Variants in GPR157 observed in about 807,000 individuals in gnomAD.
The protein encoded by GPR157 is G protein-coupled receptor 157, also known as G-protein coupled receptor 157.
Under a neutral mutation model 23.5 loss-of-function variants are expected in GPR157, and 16 were observed. The ratio of observed to expected loss-of-function variants is 0.68; its 90% CI spans 0.46 to 1.04. The LOEUF (loss-of-function observed/expected upper bound fraction) is 1.04, where lower values mean the gene tolerates loss of function less well. Ranked by LOEUF, GPR157 falls within the 50% of genes least tolerant of loss-of-function variation. GPR157 has a pLI of 0.00. For synonymous variants in GPR157, 200 were observed against 221.5 expected (o/e 0.90, Z 0.86); for missense variants, 440 against 460.7 (o/e 0.96, Z 0.41).
chr1:9,123,340 AT>A lies in GPR157; in HGVS notation c.383+5304del, dbSNP rs1557700856. Among the ~76,000 whole-genome samples, 38 of 31,342 alleles carry A rather than the reference AT, an allele frequency of 1.2e-3. 2 individuals are homozygous for A. The highest frequency in any genetic ancestry group is 3.7e-3 in the African/African-American group (35 of 9,522). The allele number at this position is 31,342 out of a possible 152,430, so 20.6% of individuals were successfully genotyped here. A position where few individuals can be genotyped will look rare whatever the true frequency, so the allele number is the denominator to read the frequency against. The stretch of plus-strand genomic sequence containing the variant: ...ATTAAAATATATATATTTAATTTAA[AT>A]ATATATATTTAATTTAAATATATAT... On this transcript the variant is annotated intron_variant, in intron 1 of 3. Coordinates refer to ENST00000377411, the MANE Select transcript of GPR157 (RefSeq NM_024980.5).
chr1:9,123,174 A>AAAAAAAAT (rs1553175764), intron 1 of GPR157, among the ~76,000 whole-genome samples: 2 of 117,090 alleles, frequency 1.7e-5, no homozygotes, highest in African/African-American at 6.8e-5. Flanking sequence ...AAAAAAAAAA[A>AAAAAAAAT]ATATATATAT....
Position 9,128,784 on chromosome 1 carries a change from G to A in GPR157, c.244C>T (p.Gln82Ter). ...FAGPSWDCVL[Q>*]GALSTFANTS... is the part of the protein sequence containing the mutation. The stretch of plus-strand genomic sequence containing the variant: ...TTGGCGAAGGTGGACAGCGCGCCCT[G>A]CAGCACGCAGTCCCACGACGGGCCC... Residue 82 changes from glutamine to a stop codon, truncating the protein, a stop_gained, in exon 1 of 4, where the codon CAG becomes TAG. Transcript: ENST00000377411. LOFTEE classifies it high-confidence loss of function. This position sits in a 1 kb window ranked among gnomAD's most constrained non-coding sequence, Gnocchi z 6.3. The A allele has an allele frequency of 2.5e-6, 4 of 1,611,698 alleles. No individual in the cohort carries two copies. Among genetic ancestry groups the A allele is most frequent in the Non-Finnish European group, 3.4e-6 (4 of 1,178,866 alleles).
intron 1 of GPR157, among the ~76,000 whole-genome samples, chr1:9,122,409 G>C (rs1320578220): frequency 6.6e-6 from 1 of 152,184 alleles, no homozygotes; most frequent in Non-Finnish European, 1.5e-5. Context: ...GAAACGCTTG[G>C]GTGAAAGCTG....
In GPR157 at chr1:9,123,163, G is replaced by GGAA. The variant is rs374439585; in HGVS notation, c.383+5481_383+5482insTTC. 1.6e-3 allele frequency among the ~76,000 whole-genome samples: 141 copies of GGAA among 87,562 alleles called. 3 individuals are homozygous for GGAA. The highest frequency in any genetic ancestry group is 5.4e-3 in the African/African-American group (124 of 23,074). 57.4% of individuals were successfully genotyped at this position (87,562 alleles called of 152,430 possible). A position where few individuals can be genotyped will look rare whatever the true frequency, so the allele number is the denominator to read the frequency against. On this transcript the variant is annotated intron_variant, in intron 1 of 3. Coordinates refer to ENST00000377411, the MANE Select transcript of GPR157 (RefSeq NM_024980.5). ...ACAAGAGTGAAACTGTCTTGGGTGG[G>GGAA]AAAAAAAAAAAATATATATATATAT...
chr1:9,116,292 A>AATATATATTATATATAATAT (rs1638663357), intron 1 of GPR157, among the ~76,000 whole-genome samples: 1 of 6,848 alleles, frequency 1.5e-4, no homozygotes, highest in African/African-American at 1.2e-3. Flanking sequence ...AATTATATAT[A>AATATATATTATATATAATAT]AATTATATAT....
Position 9,105,056 on chromosome 1 carries a change from CACACACACACACAT to C in GPR157, c.792+416_793-423del, listed in dbSNP as rs1569946256. Among the ~76,000 whole-genome samples the C allele has an allele frequency of 1.4e-5, 2 of 147,552 alleles. No homozygotes were observed. The highest frequency in any genetic ancestry group is 4.0e-4 in the East Asian group (2 of 5,000). ...AGAAACACACACACACACACACACA[CACACACACACACAT>C]GCATACACACATGCATACATGCACA... On this transcript the variant is annotated intron_variant, in intron 3 of 3. Transcript: ENST00000377411. This position sits in a 1 kb window ranked among gnomAD's most constrained non-coding sequence, Gnocchi z 4.8.
Position 9,120,030 on chromosome 1 carries a change from T to C in GPR157, c.384-8541A>G, listed in dbSNP as rs920050357. On this transcript the variant is annotated intron_variant, in intron 1 of 3. Coordinates refer to ENST00000377411, the MANE Select transcript of GPR157 (RefSeq NM_024980.5). This position sits in a 1 kb window ranked among gnomAD's most constrained non-coding sequence, Gnocchi z 4.1. ...GCGCTGCCCAACCGGGGATCTTCTG[T>C]TGTGTGGTTCCTGGAACCTGTCCCC... Among the ~76,000 whole-genome samples the C allele has an allele frequency of 6.6e-6, 1 of 152,012 alleles. No individual in the cohort carries two copies. The highest frequency in any genetic ancestry group is 2.4e-5 in the African/African-American group (1 of 41,390).
chr1:9,106,333 C>A (rs185249177), intron 2 of GPR157, among the ~76,000 whole-genome samples: 20 of 152,258 alleles, frequency 1.3e-4, no homozygotes, highest in South Asian at 4.1e-4. Context: ...CCTGCTCCCC[C>A]CTACAGTCCA....
At position 9,128,822 on chromosome 1, in the gene GPR157, A is replaced by C; in HGVS notation, c.206T>G (p.Leu69Arg). 6.2e-7 allele frequency: 1 copy of C among 1,609,160 alleles called. No homozygotes were observed. Among genetic ancestry groups the C allele is most frequent in the Non-Finnish European group, 8.5e-7 (1 of 1,178,146 alleles). Residue 69 changes from leucine to arginine, a missense_variant, in exon 1 of 4, where the codon CTG becomes CGG. By Grantham distance (102) the Leu-to-Arg change is moderately radical. Coordinates refer to ENST00000377411, the MANE Select transcript of GPR157 (RefSeq NM_024980.5). The surrounding 1 kb of genome is among the most constrained non-coding windows in gnomAD (Gnocchi z 6.3). ...LSAASYFYGV[L>R]QNFAGPSWDC... ...CCACGACGGGCCCGCGAAGTTCTGC[A>C]GCACTCCGTAGAAGTAGGAGGCGGC...
At chr1:9,115,188 C>T (rs1638609838) in intron 1 of GPR157, among the ~76,000 whole-genome samples, 1 of 152,056 alleles carries the variant, frequency 6.6e-6, no homozygotes, top group African/African-American at 2.4e-5. Context: ...ACAACTGGCT[C>T]TCCAGAAAAA....
intron 1 of GPR157, among the ~76,000 whole-genome samples, chr1:9,111,874 G>A (rs928548834): frequency 6.6e-6 from 1 of 152,160 alleles, no homozygotes; most frequent in Non-Finnish European, 1.5e-5. Flanking sequence ...GGAGGCTGAG[G>A]CAGGAGAATC....
chr1:9,104,581 G>T lies in GPR157; in HGVS notation c.846C>A (p.Cys282Ter). Residue 282 changes from cysteine to a stop codon, truncating the protein, a stop_gained, in exon 4 of 4, where the codon TGC becomes TGA. Coordinates refer to ENST00000377411, the MANE Select transcript of GPR157 (RefSeq NM_024980.5). LOFTEE classifies it low-confidence loss of function (END_TRUNC). The stretch of plus-strand genomic sequence containing the variant: ...AGAGCCGAGTTCGGACGGCGCGGGT[G>T]CAGAGGACGAACATGATGCAGTTGG... ...GGANCIMFVL[C>*]TRAVRTRLFS... is the part of the protein sequence containing the mutation. The T allele has an allele frequency of 6.2e-7, 1 of 1,613,662 alleles. No homozygotes were observed. The highest frequency in any genetic ancestry group is 8.5e-7 in the Non-Finnish European group (1 of 1,179,814).
chr1:9,106,663 C>A (rs1033099658), intron 2 of GPR157, among the ~76,000 whole-genome samples: 1 of 152,232 alleles, frequency 6.6e-6, no homozygotes, highest in Non-Finnish European at 1.5e-5. Flanking sequence ...GCCCGACACC[C>A]CTATTTAAAC....
intron 1 of GPR157, among the ~76,000 whole-genome samples, chr1:9,116,302 T>TAATATATATATA (rs1375434376): frequency 6.9e-3 from 89 of 12,932 alleles, no homozygotes; most frequent in Non-Finnish European, 8.8e-3. Context: ...AAATTATATA[T>TAATATATATATA]ATTATATTAT....
chr1:9,123,163 G>GGA (rs374439585), intron 1 of GPR157, among the ~76,000 whole-genome samples: 6,838 of 87,324 alleles, frequency 0.078, 305 homozygotes, highest in Non-Finnish European at 0.1. Context: ...TCTTGGGTGG[G>GGA]AAAAAAAAAA....
Position 9,111,334 on chromosome 1 carries a change from A to C in GPR157, c.539T>G (p.Leu180Arg), listed in dbSNP as rs753058078. 1.2e-6 allele frequency: 2 copies of C among 1,614,224 alleles called. No homozygotes were observed. Among genetic ancestry groups the C allele is most frequent in the South Asian group, 2.2e-5 (2 of 91,082 alleles). The change falls in exon 2 of 4, where the codon CTG becomes CGG. Residue 180 changes from leucine to arginine, a missense_variant. Leu to Arg is a moderately radical substitution (Grantham distance 102). Transcript: ENST00000377411. Reference sequence around the variant, plus strand: ...CAGCAGAGGCAGCAGCACATATGCCAGCATCTCCCACAGCTTCCCCGTCAG... The same window carrying C: ...CAGCAGAGGCAGCAGCACATATGCCCGCATCTCCCACAGCTTCCCCGTCAG... ...MLLTGKLWEMLAYVLLPLLYL... is the reference protein window; with the variant it reads ...MLLTGKLWEMRAYVLLPLLYL...
At chr1:9,124,947 G>A (rs895793686) in intron 1 of GPR157, among the ~76,000 whole-genome samples, 23 of 152,000 alleles carry the variant, frequency 1.5e-4, no homozygotes, top group Middle Eastern at 3.4e-3. Context: ...ACCTACCCCC[G>A]CCCTCACTAA....
At chr1:9,122,062 C>G (rs1638809378) in intron 1 of GPR157, among the ~76,000 whole-genome samples, 1 of 152,176 alleles carries the variant, frequency 6.6e-6, no homozygotes, top group Admixed American at 6.5e-5. Flanking sequence ...CCTGCTGACC[C>G]TGGTCTGGCA....
intron 1 of GPR157, among the ~76,000 whole-genome samples, chr1:9,115,988 C>T (rs567373671): frequency 6.8e-6 from 1 of 146,780 alleles, no homozygotes; most frequent in East Asian, 2.0e-4. Context: ...GAAAACTTTG[C>T]TGATCTCTGC....
Sources: gnomAD v4.1 joint callset for allele counts (sites outside exome capture counted in the v4.1 genomes callset) on GRCh38, gnomAD v4.1.1 for gene constraint, Gnocchi (gnomAD v3.1) non-coding constraint, MANE v1.5 for transcripts, NCBI Gene and HGNC (gene_info 2026-07-23, HGNC 2026-07-21) for gene names.